Variants in AMPD3 observed in about 807,000 individuals in gnomAD.
The protein encoded by AMPD3 is AMP deaminase 3.
AMPD3 carries 57 observed loss-of-function variants against 82.3 expected under a neutral mutation model. The observed-to-expected ratio is 0.69, with a 90% CI of 0.56 to 0.86. The LOEUF is 0.86. Ranked by LOEUF, AMPD3 falls within the 40% of genes least tolerant of loss-of-function variation. The pLI, the probability that AMPD3 is intolerant of heterozygous loss-of-function variation, is 0.00. For synonymous variants in AMPD3, 381 were observed against 394.7 expected (o/e 0.97, Z 0.41); for missense variants, 870 against 1,003.8 (o/e 0.87, Z 1.80).
chr11:10,472,739 C>T (rs983753330), intron 2 of AMPD3, among the ~76,000 whole-genome samples: 1 of 152,180 alleles, frequency 6.6e-6, no homozygotes, highest in Non-Finnish European at 1.5e-5. Flanking sequence ...CGCGGTGGCT[C>T]ACACCTGTAA....
rs1849030349 is a variant in AMPD3, at chr11:10,485,140, T to C, written c.809+101T>C. The C allele has an allele frequency of 8.0e-6, 9 of 1,123,660 alleles. No individual in the cohort carries two copies. In the East Asian group the frequency reaches 2.3e-4, roughly 29 times the overall value. The allele number at this position is 1,123,660 out of a possible 1,614,324, so 69.6% of individuals were successfully genotyped here. ...CCCTCTGCCCTGGGGTCCCCTGTAC[T>C]TAAAGCATCCCAGAAAGAGCGCGGT... On this transcript the variant is annotated intron_variant, in intron 5 of 14. Coordinates refer to ENST00000396553, the MANE Select transcript of AMPD3 (RefSeq NM_001025389.2).
At chr11:10,465,989 C>T (rs1296688465) in intron 2 of AMPD3, among the ~76,000 whole-genome samples, 2 of 152,178 alleles carry the variant, frequency 1.3e-5, no homozygotes, top group African/African-American at 4.8e-5. Context: ...TGGCCAGGCG[C>T]AGTGGCTCAT....
intron 3 of AMPD3, chr11:10,481,389 C>T: frequency 1.0e-6 from 1 of 971,698 alleles, no homozygotes; most frequent in Non-Finnish European, 1.2e-6. Flanking sequence ...GGCTTTGTCC[C>T]TCCATGGGCC....
rs774401731 is a variant in AMPD3 at position 10,456,357 on chromosome 11, A to G, written c.-6+909A>G. The G allele has an allele frequency of 1.2e-6, 2 of 1,613,664 alleles. No homozygotes were observed. The highest frequency in any genetic ancestry group is 1.7e-6 in the Non-Finnish European group (2 of 1,179,620). ...GGCAGGCAGCACCTCACCCGGGTGC[A>G]TCACTTGAGTGGCATCTTCAGGACC... On this transcript the variant is annotated intron_variant, in intron 1 of 14. Coordinates refer to ENST00000396553, the MANE Select transcript of AMPD3 (RefSeq NM_001025389.2). This position sits in a 1 kb window ranked among gnomAD's most constrained non-coding sequence, Gnocchi z 4.3.
chr11:10,459,010 G>A (rs1333699080), intron 1 of AMPD3, among the ~76,000 whole-genome samples: 3 of 152,102 alleles, frequency 2.0e-5, no homozygotes, highest in Non-Finnish European at 4.4e-5. Flanking sequence ...TCTTTGTGCT[G>A]TTCCAGACTT....
rs776606981 is a variant in AMPD3 at position 10,487,377 on chromosome 11, C to T, written c.939+13C>T. ...TAACGTGAGAAAGGTGCGTTAGGGG[C>T]GAGTGTTCACAGCTGCCTCACCCGG... On this transcript the variant is annotated intron_variant, in intron 6 of 14. Transcript: ENST00000396553. 3.7e-5 allele frequency: 59 copies of T among 1,613,592 alleles called. No homozygotes were observed. Among genetic ancestry groups the T allele is most frequent in the African/African-American group, 1.1e-4 (8 of 74,906 alleles).
At chr11:10,473,981 G>T (rs561522194) in intron 2 of AMPD3, among the ~76,000 whole-genome samples, 15 of 152,242 alleles carry the variant, frequency 9.9e-5, no homozygotes, top group East Asian at 1.9e-4. Flanking sequence ...GAGTGTGCGT[G>T]GGGGAGGAGT....
intron 2 of AMPD3, among the ~76,000 whole-genome samples, chr11:10,462,543 G>A (rs1273518651): frequency 2.0e-5 from 3 of 152,176 alleles, no homozygotes; most frequent in African/African-American, 7.2e-5. Flanking sequence ...GCAATACCTC[G>A]TTTGACCCTT....
chr11:10,456,338 C>A lies in AMPD3; in HGVS notation c.-6+890C>A. 1 of 1,612,784 alleles carries A rather than the reference C, an allele frequency of 6.2e-7. No homozygotes were observed. The highest frequency in any genetic ancestry group is 8.5e-7 in the Non-Finnish European group (1 of 1,179,062). On this transcript the variant is annotated intron_variant, in intron 1 of 14. Transcript: ENST00000396553. This position sits in a 1 kb window ranked among gnomAD's most constrained non-coding sequence, Gnocchi z 4.3. ...TCAGCTGAGCCTCCTGGGTGGCAGG[C>A]AGCACCTCACCCGGGTGCATCACTT... is the stretch of plus-strand genomic sequence containing the variant.
At position 10,486,150 on chromosome 11, in the gene AMPD3, T is replaced by C. The variant is rs1055024597; in HGVS notation, c.810-1085T>C. 3.3e-5 allele frequency among the ~76,000 whole-genome samples: 5 copies of C among 152,256 alleles called. No homozygotes were observed. In the East Asian group the frequency reaches 9.7e-4, roughly 29 times the overall value. On this transcript the variant is annotated intron_variant, in intron 5 of 14. Coordinates refer to ENST00000396553, the MANE Select transcript of AMPD3 (RefSeq NM_001025389.2). ...AGGTGTGCAAGTAGTGGCTGTCCCA[T>C]CTGGGAGGCTGTGAGGATCCTGCCT...
chr11:10,450,872 C>T, upstream of AMPD3: 1 of 1,222,804 alleles, frequency 8.2e-7, no homozygotes, highest in Non-Finnish European at 1.0e-6. Context: ...AGCGCTGCGC[C>T]CTCTGAACGC....
chr11:10,501,431 G>C (rs10840430), intron 11 of AMPD3, 39 bp from the exon 12 acceptor site: 20 of 1,608,532 alleles, frequency 1.2e-5, no homozygotes, highest in African/African-American at 1.2e-4. Flanking sequence ...GAGCCAACTG[G>C]GGGGGGCCTT....
rs748871385 is a variant in AMPD3, at chr11:10,495,566, C to T, written c.1267-4C>T. 10 of 1,612,514 alleles carry T rather than the reference C, an allele frequency of 6.2e-6. No homozygotes were observed. Among genetic ancestry groups the T allele is most frequent in the South Asian group, 3.3e-5 (3 of 91,012 alleles). On this transcript the variant is annotated splice_region_variant and splice_polypyrimidine_tract_variant and intron_variant, in intron 8 of 14. Coordinates refer to ENST00000396553, the MANE Select transcript of AMPD3 (RefSeq NM_001025389.2). ...GGGGCTGACCCAAGCTCTTCTTGTG[C>T]CAGGAGGTTGCCCGGGAGCTGGAGG...
chr11:10,462,232 G>T (rs940963258), intron 2 of AMPD3, among the ~76,000 whole-genome samples: 1 of 152,210 alleles, frequency 6.6e-6, no homozygotes, highest in South Asian at 2.1e-4. Flanking sequence ...TATCAGTCAG[G>T]GTCCAACTAG....
chr11:10,504,972 T>C (rs969356070), intron 14 of AMPD3: 22 of 258,634 alleles, frequency 8.5e-5, no homozygotes, highest in African/African-American at 4.8e-4. Context: ...TGTTTAGTTA[T>C]GTGTTTTTCT....
chr11:10,494,277 G>T (rs992802643), intron 7 of AMPD3, among the ~76,000 whole-genome samples: 5 of 152,176 alleles, frequency 3.3e-5, no homozygotes, highest in African/African-American at 1.2e-4. Context: ...CCCTAGAATA[G>T]GCAAATTCAT....
At chr11:10,460,036 TATAAA>T (rs1848212885) in intron 1 of AMPD3, among the ~76,000 whole-genome samples, 1 of 146,018 alleles carries the variant, frequency 6.8e-6, no homozygotes, top group African/African-American at 2.5e-5. Flanking sequence ...TGTATACATA[TATAAA>T]ATATATATTA....
At position 10,496,844 on chromosome 11, in the gene AMPD3, A is replaced by G. The variant is rs888946866; in HGVS notation, c.1463A>G (p.Asn488Ser). 2.7e-5 allele frequency: 43 copies of G among 1,614,032 alleles called. No individual in the cohort carries two copies. The highest frequency in any genetic ancestry group is 3.6e-5 in the Non-Finnish European group (43 of 1,180,036). The change falls in exon 10 of 15, where the codon AAC (asparagine) becomes AGC (serine). Residue 488 changes from asparagine to serine, a missense_variant. Physicochemically the swap from Asn to Ser is conservative, Grantham distance 46. Coordinates refer to ENST00000396553, the MANE Select transcript of AMPD3 (RefSeq NM_001025389.2). Reference protein sequence around the residue: ...DIFRSKKLLPNFGKMLENIFL... With the variant: ...DIFRSKKLLPSFGKMLENIFL... ...TTTAGGTCAAAGAAGCTGCTGCCAAACTTTGGGAAGATGCTGGAGAACATC... is the reference window on the plus strand; with the variant it reads ...TTTAGGTCAAAGAAGCTGCTGCCAAGCTTTGGGAAGATGCTGGAGAACATC...
intron 2 of AMPD3, among the ~76,000 whole-genome samples, chr11:10,469,908 C>T (rs1452678394): frequency 5.5e-5 from 8 of 146,610 alleles, no homozygotes; most frequent in South Asian, 2.1e-4. Flanking sequence ...GGCGTAGTGG[C>T]GGGCGCCTGT....
Sources: gnomAD v4.1 joint callset for allele counts (sites outside exome capture counted in the v4.1 genomes callset) on GRCh38, gnomAD v4.1.1 for gene constraint, Gnocchi (gnomAD v3.1) non-coding constraint, MANE v1.5 for transcripts, NCBI Gene and HGNC (gene_info 2026-07-23, HGNC 2026-07-21) for gene names.